Variants in SHROOM3 observed in about 807,000 individuals in gnomAD.
SHROOM3 encodes the protein protein Shroom3.
SHROOM3 carries 47 observed loss-of-function variants against 138.6 expected under a neutral mutation model. The observed-to-expected ratio is 0.34, with a 90% confidence interval of 0.27 to 0.43. The LOEUF is 0.43. Among genes scored for constraint, SHROOM3 ranks in the 20% least tolerant of loss-of-function variants. The pLI, the probability that SHROOM3 is intolerant of heterozygous loss-of-function variation, is 1.00. For synonymous variants in SHROOM3, 1,062 were observed against 1,063.3 expected (o/e 1.00, Z 0.02); for missense variants, 2,491 against 2,596.5 (o/e 0.96, Z 0.88).
chr4:76,652,111 G>C lies in SHROOM3; in HGVS notation c.324-58045G>C, dbSNP rs77783795. 8.2e-3 allele frequency among the ~76,000 whole-genome samples: 1,252 copies of C among 152,220 alleles called. 21 individuals are homozygous for C. Among genetic ancestry groups the C allele is most frequent in the African/African-American group, 0.029 (1,205 of 41,528 alleles). On this transcript the variant is annotated intron_variant, in intron 2 of 10. Transcript: ENST00000296043. The stretch of plus-strand genomic sequence containing the variant: ...AGTGTTCAATTCAATTCCAAAAAAG[G>C]ACACAACCATTTCTGTGCTCATATG...
intron 2 of SHROOM3, among the ~76,000 whole-genome samples, chr4:76,591,227 C>T (rs926024931): frequency 6.6e-6 from 1 of 152,192 alleles, no homozygotes; most frequent in Non-Finnish European, 1.5e-5. Context: ...TTCAGGAAGG[C>T]ACACGGCCTG....
At position 76,741,499 on chromosome 4, in the gene SHROOM3, C is replaced by G; in HGVS notation, c.3326C>G (p.Pro1109Arg). 1.3e-6 allele frequency: 2 copies of G among 1,556,070 alleles called. No individual in the cohort carries two copies. Among genetic ancestry groups the G allele is most frequent in the Non-Finnish European group, 1.7e-6 (2 of 1,155,774 alleles). ...GCCGCCGGCTGCAGCCTCCAGGAGC[C>G]CGGGCCACTGCGTGAGCGCGCCCAG... ...TSAAGCSLQE[P>R]GPLRERAQSA... is the part of the protein sequence containing the mutation. Residue 1109 changes from proline (P) to arginine (R), a missense_variant, in exon 5 of 11, where the codon CCC becomes CGC. By Grantham distance (103) the Pro-to-Arg change is moderately radical. Around this residue, in one of 4 missense-constraint regions of SHROOM3, gnomAD observed 1,733 missense variants for 1,661.6 expected, o/e 1.04. Coordinates refer to ENST00000296043, the MANE Select transcript of SHROOM3 (RefSeq NM_020859.4). This position sits in a 1 kb window ranked among gnomAD's most constrained non-coding sequence, Gnocchi z 6.2.
intron 2 of SHROOM3, among the ~76,000 whole-genome samples, chr4:76,661,688 T>C (rs1242249777): frequency 6.6e-6 from 1 of 152,208 alleles, no homozygotes; most frequent in Admixed American, 6.5e-5. Flanking sequence ...GTATATAATC[T>C]TTTTTGTTGA....
chr4:76,719,016 T>G (rs561162017), intron 3 of SHROOM3, among the ~76,000 whole-genome samples: 5 of 151,910 alleles, frequency 3.3e-5, no homozygotes, highest in Admixed American at 2.6e-4. Context: ...ATCTGCTGGA[T>G]AGAGGGGAGA....
intron 2 of SHROOM3, among the ~76,000 whole-genome samples, chr4:76,563,061 A>G (rs1280669283): frequency 6.6e-6 from 1 of 152,172 alleles, no homozygotes; most frequent in Non-Finnish European, 1.5e-5. Context: ...GTGCTACTCA[A>G]TCTCTCTAAG....
chr4:76,559,373 T>G (rs1239978023), intron 2 of SHROOM3: 3 of 152,210 alleles, frequency 2.0e-5, no homozygotes, highest in Non-Finnish European at 4.4e-5. Flanking sequence ...AAGTCTTACC[T>G]TTATACCTTG....
At chr4:76,506,377 T>TA (rs745982949) in intron 1 of SHROOM3, among the ~76,000 whole-genome samples, 4 of 151,970 alleles carry the variant, frequency 2.6e-5, no homozygotes, top group Non-Finnish European at 5.9e-5. Context: ...TAAAGTATGA[T>TA]AAAAAACAAA....
chr4:76,687,984 C>T (rs539897415), intron 2 of SHROOM3, among the ~76,000 whole-genome samples: 5 of 152,200 alleles, frequency 3.3e-5, no homozygotes, highest in Non-Finnish European at 4.4e-5. Context: ...CTTACTCCCC[C>T]CCACGCGCAA....
chr4:76,693,458 A>G (rs1460429601), intron 2 of SHROOM3, among the ~76,000 whole-genome samples: 2 of 139,072 alleles, frequency 1.4e-5, no homozygotes, highest in African/African-American at 5.5e-5. Context: ...ATCTTGGCTC[A>G]CTGCAGCCTC....
At chr4:76,774,334 G>A (rs1038368643) in intron 10 of SHROOM3, among the ~76,000 whole-genome samples, 4 of 152,252 alleles carry the variant, frequency 2.6e-5, no homozygotes, top group East Asian at 1.9e-4. Context: ...TACTATAGCA[G>A]TATTGTTTTT....
rs531744483 is a variant in SHROOM3, at chr4:76,497,500, C to T, written c.169-58109C>T. The stretch of plus-strand genomic sequence containing the variant: ...TGTGCAATGTTTGGGGAAAGAATAT[C>T]CAAGGCAGAGGTACTGCTAATCCAC... On this transcript the variant is annotated intron_variant, in intron 1 of 10. Coordinates refer to ENST00000296043, the MANE Select transcript of SHROOM3 (RefSeq NM_020859.4). Among the ~76,000 whole-genome samples, 47 of 152,290 alleles carry T rather than the reference C, an allele frequency of 3.1e-4. No individual in the cohort carries two copies. The South Asian group carries it at 9.1e-3, about 30-fold the overall frequency.
In SHROOM3 at chr4:76,555,694, G is replaced by A. The variant is rs1733470141; in HGVS notation, c.254G>A (p.Ser85Asn). 1.2e-6 allele frequency: 2 copies of A among 1,613,972 alleles called. No individual in the cohort carries two copies. The highest frequency in any genetic ancestry group is 1.7e-5 in the Admixed American group (1 of 60,006). Residue 85 changes from serine (S) to asparagine (N), a missense_variant, in exon 2 of 11, where the codon AGC becomes AAC. By Grantham distance (46) the Ser-to-Asn change is conservative. Coordinates refer to ENST00000296043, the MANE Select transcript of SHROOM3 (RefSeq NM_020859.4). ...GTGCACATCAATGAGGTGACTCTGA[G>A]CAGCTCCAGAAAGGAGGCAGTTTCC... Reference protein sequence around the residue: ...EVVHINEVTLSSSRKEAVSLV... With the variant: ...EVVHINEVTLNSSRKEAVSLV...
chr4:76,719,551 TCTG>T, intron 3 of SHROOM3, among the ~76,000 whole-genome samples: 1 of 152,248 alleles, frequency 6.6e-6, no homozygotes, highest in Non-Finnish European at 1.5e-5. Flanking sequence ...TGCATCAAAT[TCTG>T]CTTGATTTTT....
intron 1 of SHROOM3, among the ~76,000 whole-genome samples, chr4:76,551,751 C>T (rs1487102628): frequency 2.0e-5 from 3 of 151,900 alleles, no homozygotes; most frequent in Non-Finnish European, 2.9e-5. Flanking sequence ...GGGTGTGTAA[C>T]CACAGCAGCA....
At chr4:76,460,339 GC>G (rs913357694) in intron 1 of SHROOM3, among the ~76,000 whole-genome samples, 3 of 152,104 alleles carry the variant, frequency 2.0e-5, no homozygotes, top group Admixed American at 6.5e-5. Context: ...AAGCTGTAGA[GC>G]CAGATGCACA....
At position 76,585,971 on chromosome 4, in the gene SHROOM3, C is replaced by T. The variant is rs540391311; in HGVS notation, c.323+30208C>T. ...CTTCGCTTTAATGGTCTTCACAGCA[C>T]GTCGTGTTTATGAGTCAGAGGACCC... On this transcript the variant is annotated intron_variant, in intron 2 of 10. Coordinates refer to ENST00000296043, the MANE Select transcript of SHROOM3 (RefSeq NM_020859.4). Among the ~76,000 whole-genome samples the T allele has an allele frequency of 5.3e-4, 81 of 152,324 alleles. 1 individual carries two copies. Among genetic ancestry groups the T allele is most frequent in the African/African-American group, 1.9e-3 (78 of 41,568 alleles).
At chr4:76,479,588 C>T (rs1731562097) in intron 1 of SHROOM3, among the ~76,000 whole-genome samples, 1 of 152,136 alleles carries the variant, frequency 6.6e-6, no homozygotes, top group Admixed American at 6.5e-5. Flanking sequence ...CTTCCCCAAC[C>T]TAGCAAGACA....
chr4:76,508,849 G>A (rs1474331911), intron 1 of SHROOM3, among the ~76,000 whole-genome samples: 1 of 152,204 alleles, frequency 6.6e-6, no homozygotes, highest in African/African-American at 2.4e-5. Context: ...TGGAGTCTGG[G>A]AAGTCCAGGA....
chr4:76,632,864 T>A (rs975517955), intron 2 of SHROOM3, among the ~76,000 whole-genome samples: 6 of 152,182 alleles, frequency 3.9e-5, no homozygotes, highest in African/African-American at 1.4e-4. Flanking sequence ...TCTTGAATAC[T>A]AATTTCTTGG....
Sources: gnomAD v4.1 joint callset for allele counts (sites outside exome capture counted in the v4.1 genomes callset) on GRCh38, gnomAD v4.1.1 for gene constraint, gnomAD v4.1.1 regional missense constraint, Gnocchi (gnomAD v3.1) non-coding constraint, MANE v1.5 for transcripts, NCBI Gene and HGNC (gene_info 2026-07-23, HGNC 2026-07-21) for gene names.